The following PVT1 variants were observed in gnomAD, a reference collection of about 807,000 sequenced individuals.
PVT1 encodes the protein CXCR4/PVT1 fusion.
intron 4 of PVT1, among the ~76,000 whole-genome samples, chr8:128,051,559 C>T (rs1423229814): frequency 1.3e-5 from 2 of 152,070 alleles, no homozygotes; most frequent in Non-Finnish European, 2.9e-5. Flanking sequence ...TTTATTCCTC[C>T]TCTTGAGTTC....
chr8:128,007,177 G>A (rs1190474652), intron 4 of PVT1, among the ~76,000 whole-genome samples: 1 of 152,176 alleles, frequency 6.6e-6, no homozygotes, highest in South Asian at 2.1e-4. Flanking sequence ...TGCGGGCTGC[G>A]TTCTGCATTG....
intron 2 of PVT1, among the ~76,000 whole-genome samples, chr8:127,848,845 C>G (rs1563620990): frequency 6.6e-6 from 1 of 152,168 alleles, no homozygotes; most frequent in Non-Finnish European, 1.5e-5. Context: ...GGACATGATG[C>G]TTGCATAGTG....
intron 3 of PVT1, among the ~76,000 whole-genome samples, chr8:127,933,117 C>A (rs1462329067): frequency 6.6e-6 from 1 of 152,080 alleles, no homozygotes. Context: ...CTCTTGTTGC[C>A]CAAGCTGGAG....
intron 2 of PVT1, among the ~76,000 whole-genome samples, chr8:127,880,596 CTT>C (rs35252729): frequency 0.012 from 1,303 of 108,008 alleles, 33 homozygotes; most frequent in African/African-American, 0.042. Context: ...GCCCCCGGCC[CTT>C]TTTTTTTTTT....
chr8:128,060,067 T>A (rs977686164), intron 4 of PVT1, among the ~76,000 whole-genome samples: 1 of 152,074 alleles, frequency 6.6e-6, no homozygotes, highest in East Asian at 1.9e-4. Flanking sequence ...CCATCCTGGC[T>A]AACATGGTGA....
intron 5 of PVT1, among the ~76,000 whole-genome samples, chr8:128,070,819 C>T (rs1434215580): frequency 1.3e-5 from 2 of 152,144 alleles, no homozygotes; most frequent in African/African-American, 4.8e-5. Context: ...CAATTCTTCC[C>T]CCTGCCATGG....
intron 3 of PVT1, among the ~76,000 whole-genome samples, chr8:127,913,274 C>T (rs1328916010): frequency 2.0e-5 from 3 of 152,186 alleles, no homozygotes; most frequent in African/African-American, 7.2e-5. Flanking sequence ...AGCATCCTCC[C>T]ATCAGCCATG....
intron 4 of PVT1, among the ~76,000 whole-genome samples, chr8:128,051,260 C>T (rs1032297284): frequency 6.6e-6 from 1 of 152,154 alleles, no homozygotes; most frequent in African/African-American, 2.4e-5. Context: ...CTGTGCCAAG[C>T]CTGGATTGCA....
chr8:127,894,172 A>G (rs1318668090), intron 3 of PVT1, among the ~76,000 whole-genome samples: 4 of 152,150 alleles, frequency 2.6e-5, no homozygotes, highest in Non-Finnish European at 5.9e-5. Context: ...TGCCACCTAC[A>G]CTGACATCCT....
At chr8:127,966,176 C>A (rs1382496648) in intron 3 of PVT1, among the ~76,000 whole-genome samples, 1 of 152,132 alleles carries the variant, frequency 6.6e-6, no homozygotes, top group Non-Finnish European at 1.5e-5. Context: ...AGAATGCAAA[C>A]GTTAATAGTA....
chr8:128,026,410 T>G (rs1817494885), intron 4 of PVT1, among the ~76,000 whole-genome samples: 1 of 152,238 alleles, frequency 6.6e-6, no homozygotes, highest in Admixed American at 6.5e-5. Flanking sequence ...GTTTGGGCTC[T>G]CATTTAATCT....
intron 5 of PVT1, among the ~76,000 whole-genome samples, chr8:128,074,288 CA>C (rs1172026709): frequency 2.0e-5 from 3 of 151,974 alleles, no homozygotes; most frequent in Non-Finnish European, 2.9e-5. Context: ...GGGTGGATCA[CA>C]AGGTCAGGAG....
chr8:127,938,893 T>A (rs1378762015), intron 3 of PVT1, among the ~76,000 whole-genome samples: 1 of 152,228 alleles, frequency 6.6e-6, no homozygotes. Context: ...CTTTGAGCAG[T>A]CCTTCCTCTG....
chr8:127,796,388 CT>C (rs2130182302), intron 2 of PVT1, among the ~76,000 whole-genome samples: 1 of 152,286 alleles, frequency 6.6e-6, no homozygotes, highest in African/African-American at 2.4e-5. Context: ...TCTGACATAT[CT>C]GATCCCCACT....
intron 4 of PVT1, among the ~76,000 whole-genome samples, chr8:128,025,029 A>G (rs889043573): frequency 6.6e-6 from 1 of 152,236 alleles, no homozygotes; most frequent in African/African-American, 2.4e-5. Context: ...CAACACCTCC[A>G]AGGATCTGAG....
At chr8:127,901,405 C>T (rs1344569899) in intron 3 of PVT1, among the ~76,000 whole-genome samples, 1 of 152,116 alleles carries the variant, frequency 6.6e-6, no homozygotes, top group Non-Finnish European at 1.5e-5. Context: ...GCAAAGCCCA[C>T]AGCACAGGCA....
At chr8:128,092,767 T>C (rs950908832) in intron 5 of PVT1, among the ~76,000 whole-genome samples, 4 of 152,148 alleles carry the variant, frequency 2.6e-5, no homozygotes, top group African/African-American at 9.7e-5. Context: ...TCCCCTCCTC[T>C]TTGTCAAAAT....
chr8:128,052,872 G>A (rs1813715584), intron 4 of PVT1, among the ~76,000 whole-genome samples: 1 of 152,230 alleles, frequency 6.6e-6, no homozygotes. Flanking sequence ...GGCACACAAA[G>A]GCTAAGTAAT....
intron 3 of PVT1, among the ~76,000 whole-genome samples, chr8:127,917,479 A>C (rs898400002): frequency 6.6e-6 from 1 of 152,242 alleles, no homozygotes; most frequent in African/African-American, 2.4e-5. Flanking sequence ...GTGATGACCC[A>C]GGACAGACTG....
Sources: gnomAD v4.1 joint callset for allele counts (sites outside exome capture counted in the v4.1 genomes callset) on GRCh38, gnomAD v4.1.1 for gene constraint, MANE v1.5 for transcripts, NCBI Gene and HGNC (gene_info 2026-07-23, HGNC 2026-07-21) for gene names.